Variants in CFAP61 observed in about 807,000 individuals in gnomAD.
The protein encoded by CFAP61 is cilia- and flagella-associated protein 61.
In CFAP61, 107 loss-of-function variants were observed where a neutral mutation model predicts 135.6. That is an observed-to-expected ratio of 0.79 (90% confidence interval 0.67 to 0.93). The LOEUF (loss-of-function observed/expected upper bound fraction) is 0.93, where lower values mean the gene tolerates loss of function less well. Ranked by LOEUF, CFAP61 falls within the 40% of genes least tolerant of loss-of-function variation. CFAP61 has a pLI of 0.00. For missense variants in CFAP61, 1,507 were observed against 1,556.2 expected (o/e 0.97, Z 0.53); for synonymous variants, 575 against 578.5 (o/e 0.99, Z 0.09).
intron 26 of CFAP61, among the ~76,000 whole-genome samples, chr20:20,355,015 AAG>A (rs1675023119): frequency 7.6e-5 from 2 of 26,262 alleles, no homozygotes; most frequent in African/African-American, 2.4e-4. Flanking sequence ...GTCACACTGC[AAG>A]AGGGGAGGTG....
intron 21 of CFAP61, among the ~76,000 whole-genome samples, chr20:20,263,371 A>G (rs2052427508): frequency 6.6e-6 from 1 of 152,250 alleles, no homozygotes; most frequent in African/African-American, 2.4e-5. Context: ...TTATTTTATT[A>G]TACAAAATGA....
chr20:20,325,251 T>C (rs914236218), intron 25 of CFAP61, among the ~76,000 whole-genome samples: 1 of 152,250 alleles, frequency 6.6e-6, no homozygotes, highest in Non-Finnish European at 1.5e-5. Flanking sequence ...CTAAAGTTCA[T>C]AGTTTACATT....
At chr20:20,284,767 C>T (rs1276844867) in intron 22 of CFAP61, among the ~76,000 whole-genome samples, 5 of 152,162 alleles carry the variant, frequency 3.3e-5, no homozygotes, top group Admixed American at 2.0e-4. Flanking sequence ...TAACAGCCAT[C>T]CTATATCTTA....
chr20:20,084,349 A>G (rs2046642959), intron 6 of CFAP61, among the ~76,000 whole-genome samples: 1 of 152,246 alleles, frequency 6.6e-6, no homozygotes, highest in Admixed American at 6.5e-5. Flanking sequence ...TATGGAGAAT[A>G]TCATCAGACA....
chr20:20,066,289 A>C (rs2045258985), intron 2 of CFAP61, among the ~76,000 whole-genome samples: 1 of 152,218 alleles, frequency 6.6e-6, no homozygotes, highest in African/African-American at 2.4e-5. Flanking sequence ...AGGATCTAGA[A>C]CTAGAAATAC....
intron 11 of CFAP61, among the ~76,000 whole-genome samples, chr20:20,165,440 G>A (rs1462378887): frequency 1.3e-5 from 2 of 152,164 alleles, no homozygotes; most frequent in African/African-American, 4.8e-5. Context: ...CAGGGCTACA[G>A]CAAAGAGGAG....
chr20:20,298,270 C>G lies in CFAP61; in HGVS notation c.3306C>G (p.Cys1102Trp). The change falls in exon 25 of 27, where the codon TGC (cysteine) becomes TGG (tryptophan). Residue 1102 changes from cysteine (C) to tryptophan (W), a missense_variant. Cys to Trp is a radical substitution (Grantham distance 215). Coordinates refer to ENST00000245957, the MANE Select transcript of CFAP61 (RefSeq NM_015585.4). ...NKYKMVETITCLSREPFPASN... is the reference protein window; with the variant it reads ...NKYKMVETITWLSREPFPASN... ...ATAAAATGGTGGAAACCATCACGTG[C>G]CTTTCTAGGGAGCCCTTCCCCGCCT... The G allele has an allele frequency of 6.2e-7, 1 of 1,613,956 alleles. No individual in the cohort carries two copies.
At chr20:20,072,600 A>G (rs2045799688) in intron 3 of CFAP61, among the ~76,000 whole-genome samples, 1 of 152,124 alleles carries the variant, frequency 6.6e-6, no homozygotes, top group Admixed American at 6.5e-5. Flanking sequence ...CCTTTCTGAA[A>G]ATTATAAATT....
At chr20:20,281,508 A>G (rs1047137319) in intron 22 of CFAP61, among the ~76,000 whole-genome samples, 4 of 152,184 alleles carry the variant, frequency 2.6e-5, no homozygotes, top group Non-Finnish European at 5.9e-5. Flanking sequence ...AAAAAGAAAT[A>G]TGGAAATTTT....
chr20:20,166,563 A>T, intron 12 of CFAP61, 127 bp downstream of exon 12: 1 of 729,072 alleles, frequency 1.4e-6, no homozygotes, highest in Non-Finnish European at 2.4e-6. Context: ...GTCAAATGGC[A>T]TGTCATGAGC....
chr20:20,070,691 A>G (rs1443911245), intron 2 of CFAP61, among the ~76,000 whole-genome samples, 163 bp from the exon 3 acceptor site: 3 of 152,226 alleles, frequency 2.0e-5, no homozygotes, highest in African/African-American at 4.8e-5. Flanking sequence ...GTCCTGAACG[A>G]TGTACCCCAA....
chr20:20,285,080 T>C (rs564429682), intron 22 of CFAP61, among the ~76,000 whole-genome samples: 1 of 152,316 alleles, frequency 6.6e-6, no homozygotes, highest in East Asian at 1.9e-4. Context: ...TTATAGGTTA[T>C]TTTTTCCCAG....
At chr20:20,083,935 G>A (rs964362822) in intron 6 of CFAP61, among the ~76,000 whole-genome samples, 1 of 152,216 alleles carries the variant, frequency 6.6e-6, no homozygotes. Context: ...CCATTTGGAA[G>A]TTCTACAGTG....
intron 6 of CFAP61, among the ~76,000 whole-genome samples, chr20:20,076,868 C>T (rs186693197): frequency 1.2e-4 from 18 of 152,232 alleles, no homozygotes; most frequent in Admixed American, 8.5e-4. Context: ...ACAAAAGGAA[C>T]GTGACATCTG....
intron 25 of CFAP61, among the ~76,000 whole-genome samples, chr20:20,307,821 A>G (rs1233071174): frequency 6.6e-6 from 1 of 152,212 alleles, no homozygotes; most frequent in African/African-American, 2.4e-5. Flanking sequence ...AGAGTCGATA[A>G]TGTACCTCCC....
chr20:20,257,017 T>G (rs1360655464), intron 20 of CFAP61, among the ~76,000 whole-genome samples: 3 of 152,120 alleles, frequency 2.0e-5, no homozygotes, highest in Non-Finnish European at 2.9e-5. Context: ...TCTCATAGAA[T>G]GGCAGGAAAA....
intron 12 of CFAP61, among the ~76,000 whole-genome samples, chr20:20,167,334 C>T (rs963916814): frequency 6.6e-6 from 1 of 152,080 alleles, no homozygotes; most frequent in Admixed American, 6.5e-5. Flanking sequence ...TTAAAAATTA[C>T]TTATTAAGGC....
chr20:20,283,452 G>A, intron 22 of CFAP61, among the ~76,000 whole-genome samples: 1 of 152,288 alleles, frequency 6.6e-6, no homozygotes, highest in African/African-American at 2.4e-5. Context: ...TGTCTAAAGT[G>A]TGTCTCTTGT....
chr20:20,336,209 C>T (rs1261291091), intron 25 of CFAP61, among the ~76,000 whole-genome samples: 1 of 152,202 alleles, frequency 6.6e-6, no homozygotes, highest in Non-Finnish European at 1.5e-5. Context: ...ACAGCCACAT[C>T]TTACTAATGA....
Sources: gnomAD v4.1 joint callset for allele counts (sites outside exome capture counted in the v4.1 genomes callset) on GRCh38, gnomAD v4.1.1 for gene constraint, MANE v1.5 for transcripts, NCBI Gene and HGNC (gene_info 2026-07-23, HGNC 2026-07-21) for gene names.